The following WDFY2 variants were observed in gnomAD, a reference collection of about 807,000 sequenced individuals.
The protein encoded by WDFY2 is WD repeat and FYVE domain-containing protein 2.
WDFY2 carries 36 observed loss-of-function variants against 56.4 expected under a neutral mutation model. That is an observed-to-expected ratio of 0.64 (90% CI 0.49 to 0.84). The LOEUF (loss-of-function observed/expected upper bound fraction) is 0.84. WDFY2 is among the 40% of genes least tolerant of loss of function. The pLI, the probability that WDFY2 is intolerant of heterozygous loss-of-function variation, is 0.00. For missense variants in WDFY2, 444 were observed against 512.2 expected (o/e 0.87, Z 1.29); for synonymous variants, 176 against 183.7 (o/e 0.96, Z 0.34).
At chr13:51,689,520 C>T (rs751664000) in intron 3 of WDFY2, among the ~76,000 whole-genome samples, 7 of 152,130 alleles carry the variant, frequency 4.6e-5, no homozygotes, top group Non-Finnish European at 1.0e-4. Context: ...GTTTCCGACG[C>T]TTCCATGTAG....
chr13:51,602,945 C>T (rs566687749), intron 1 of WDFY2, among the ~76,000 whole-genome samples: 4 of 152,230 alleles, frequency 2.6e-5, no homozygotes, highest in East Asian at 1.9e-4. Flanking sequence ...TCTGCCCCTT[C>T]GCTTGTATTG....
intron 1 of WDFY2, among the ~76,000 whole-genome samples, chr13:51,613,374 A>T (rs1026847571): frequency 2.0e-5 from 3 of 152,134 alleles, no homozygotes; most frequent in African/African-American, 7.2e-5. Context: ...GCTTTTGCTC[A>T]TTCTTCGGTT....
At chr13:51,662,497 G>A (rs187290798) in intron 2 of WDFY2, among the ~76,000 whole-genome samples, 14 of 152,270 alleles carry the variant, frequency 9.2e-5, no homozygotes, top group Middle Eastern at 3.4e-3. Context: ...GATAAGATGA[G>A]CGTTAATAGG....
At chr13:51,686,382 A>C (rs964202425) in intron 3 of WDFY2, among the ~76,000 whole-genome samples, 1 of 152,168 alleles carries the variant, frequency 6.6e-6, no homozygotes, top group Non-Finnish European at 1.5e-5. Flanking sequence ...CAGAAATTAT[A>C]TTCATTTCAG....
intron 5 of WDFY2, among the ~76,000 whole-genome samples, chr13:51,724,895 C>T (rs1200011800): frequency 6.6e-6 from 1 of 152,156 alleles, no homozygotes; most frequent in Non-Finnish European, 1.5e-5. Flanking sequence ...TGAAATAAGC[C>T]CACTTAGCCT....
At chr13:51,730,400 G>A (rs1281503596) in intron 6 of WDFY2, among the ~76,000 whole-genome samples, 2 of 152,190 alleles carry the variant, frequency 1.3e-5, no homozygotes, top group Non-Finnish European at 2.9e-5. Context: ...CTATGACGCT[G>A]CTGGCTTTCT....
At chr13:51,662,601 T>C (rs1955635672) in intron 2 of WDFY2, among the ~76,000 whole-genome samples, 1 of 152,236 alleles carries the variant, frequency 6.6e-6, no homozygotes, top group African/African-American at 2.4e-5. Context: ...TAATGCTGTC[T>C]TTATTTGGAT....
At position 51,760,172 on chromosome 13, in the gene WDFY2, A is replaced by G; in HGVS notation, c.*403A>G. On this transcript the variant is annotated 3_prime_UTR_variant, in exon 12 of 12. Transcript: ENST00000298125. ...CATTATACTTTCTGTGTTTACTTCA[A>G]CATGTGTCACGTGGCCAGCGGCTTT... The G allele has an allele frequency of 6.2e-6, 1 of 160,772 alleles. No individual in the cohort carries two copies. 10.0% of individuals were successfully genotyped at this position (160,772 alleles called of 1,614,324 possible).
chr13:51,647,917 C>T (rs958583005), intron 1 of WDFY2, among the ~76,000 whole-genome samples: 4 of 152,044 alleles, frequency 2.6e-5, no homozygotes, highest in African/African-American at 9.7e-5. Context: ...TCTGATAAAA[C>T]TACTGCCAGC....
chr13:51,742,634 C>T (rs981331845), intron 7 of WDFY2, among the ~76,000 whole-genome samples: 13 of 152,172 alleles, frequency 8.5e-5, no homozygotes, highest in Admixed American at 6.5e-4. Context: ...ACCAACTTCA[C>T]GCCCGTAATT....
intron 1 of WDFY2, among the ~76,000 whole-genome samples, chr13:51,635,236 C>A (rs978383433): frequency 6.6e-6 from 1 of 152,144 alleles, no homozygotes; most frequent in African/African-American, 2.4e-5. Flanking sequence ...AGCTACTGCA[C>A]CCCCGGCAGG....
At chr13:51,736,090 A>G (rs774470187) in intron 6 of WDFY2, among the ~76,000 whole-genome samples, 2 of 152,196 alleles carry the variant, frequency 1.3e-5, no homozygotes, top group Non-Finnish European at 2.9e-5. Context: ...GACTGGCCTT[A>G]AGGCTGACTC....
chr13:51,742,324 T>G (rs1359062557), intron 7 of WDFY2, among the ~76,000 whole-genome samples: 1 of 152,210 alleles, frequency 6.6e-6, no homozygotes, highest in Non-Finnish European at 1.5e-5. Flanking sequence ...GAAAAAAAGC[T>G]AAGAAAGTAT....
intron 1 of WDFY2, among the ~76,000 whole-genome samples, chr13:51,632,338 TTC>T (rs904158008): frequency 1.3e-5 from 2 of 152,114 alleles, no homozygotes; most frequent in African/African-American, 4.8e-5. Flanking sequence ...TCATTTTGAG[TTC>T]TGTTTTTTTT....
At chr13:51,613,996 CTAACA>C (rs1327736436) in intron 1 of WDFY2, among the ~76,000 whole-genome samples, 1 of 151,884 alleles carries the variant, frequency 6.6e-6, no homozygotes, top group African/African-American at 2.4e-5. Flanking sequence ...ACCAGCCTGG[CTAACA>C]TAGTGAAACC....
At chr13:51,676,550 C>T (rs1192161295) in intron 3 of WDFY2, among the ~76,000 whole-genome samples, 2 of 152,150 alleles carry the variant, frequency 1.3e-5, no homozygotes, top group African/African-American at 4.8e-5. Context: ...TGTAATCTTG[C>T]CCCAGCCCCT....
At chr13:51,654,222 C>T (rs969795621) in intron 1 of WDFY2, among the ~76,000 whole-genome samples, 1 of 152,208 alleles carries the variant, frequency 6.6e-6, no homozygotes, top group Non-Finnish European at 1.5e-5. Flanking sequence ...GATACAATCT[C>T]CTAGTGTGCC....
At position 51,767,692 on chromosome 13, in the gene WDFY2, A is replaced by G. The variant is rs930217184; in HGVS notation, c.*7923A>G. The G allele has an allele frequency of 1.3e-5, 2 of 149,576 alleles. No individual in the cohort carries two copies. The highest frequency in any genetic ancestry group is 2.9e-5 in the Non-Finnish European group (2 of 69,430). 9.3% of individuals were successfully genotyped at this position (149,576 alleles called of 1,614,324 possible). A position where few individuals can be genotyped will look rare whatever the true frequency, so the allele number is the denominator to read the frequency against. On this transcript the variant is annotated 3_prime_UTR_variant, in exon 12 of 12. Transcript: ENST00000298125. ...GCAAATGTAAACTAGGCCTCATTAA[A>G]TTGTTTGTGTAAATATGCATCGTCC...
At chr13:51,693,676 A>G (rs1389569333) in intron 3 of WDFY2, among the ~76,000 whole-genome samples, 1 of 150,324 alleles carries the variant, frequency 6.7e-6, no homozygotes. Flanking sequence ...TGGGGTGGAG[A>G]GTTCTGTAGA....
Sources: gnomAD v4.1 joint callset for allele counts (sites outside exome capture counted in the v4.1 genomes callset) on GRCh38, gnomAD v4.1.1 for gene constraint, MANE v1.5 for transcripts, NCBI Gene and HGNC (gene_info 2026-07-23, HGNC 2026-07-21) for gene names.